Variants in TPST1 observed in about 807,000 individuals in gnomAD.
TPST1 encodes the protein protein-tyrosine sulfotransferase 1.
A neutral mutation model predicts 34.8 loss-of-function variants in TPST1; 20 were observed. The ratio of observed to expected loss-of-function variants is 0.57; its 90% CI spans 0.40 to 0.84. The LOEUF (loss-of-function observed/expected upper bound fraction) is 0.84. Among genes scored for constraint, TPST1 ranks in the 40% least tolerant of loss-of-function variants. The pLI, the probability that TPST1 is intolerant of heterozygous loss-of-function variation, is 0.00. For missense variants in TPST1, 353 were observed against 455.5 expected, an observed-to-expected ratio of 0.78 and a Z score of 2.05; for synonymous variants, 152 against 159.4, an observed-to-expected ratio of 0.95 and a Z score of 0.35.
chr7:66,285,058 T>TGAAG (rs1348756678), intron 2 of TPST1, among the ~76,000 whole-genome samples: 7 of 152,204 alleles, frequency 4.6e-5, no homozygotes, highest in Admixed American at 4.6e-4. Flanking sequence ...TATTCCTTAT[T>TGAAG]ATCTTCAAGG....
chr7:66,349,950 C>T (rs1792439147), intron 3 of TPST1, among the ~76,000 whole-genome samples: 1 of 152,172 alleles, frequency 6.6e-6, no homozygotes, highest in Non-Finnish European at 1.5e-5. Context: ...TACACAGCTC[C>T]CAGGGCTTAG....
chr7:66,241,957 C>CT (rs1790045395), intron 2 of TPST1, among the ~76,000 whole-genome samples: 1 of 152,186 alleles, frequency 6.6e-6, no homozygotes, highest in African/African-American at 2.4e-5. Context: ...TATAACCTCT[C>CT]TTATTTTTTA....
At position 66,299,980 on chromosome 7, in the gene TPST1, A is replaced by T. The variant is rs537204876; in HGVS notation, c.1044+13271A>T. The stretch of plus-strand genomic sequence containing the variant: ...GTTTCCCAGTACATATAAAAGTTAT[A>T]CACTACATTGTAGTCTGTTCAGTCT... On this transcript the variant is annotated intron_variant, in intron 3 of 5. Transcript: ENST00000304842. 6.6e-5 allele frequency among the ~76,000 whole-genome samples: 10 copies of T among 152,324 alleles called. No homozygotes were observed. In the South Asian group the frequency reaches 2.1e-3, roughly 32 times the overall value.
chr7:66,329,830 G>C (rs773449478), intron 3 of TPST1, among the ~76,000 whole-genome samples: 8 of 152,292 alleles, frequency 5.3e-5, no homozygotes, highest in Middle Eastern at 3.4e-3. Context: ...ATTATCCTAA[G>C]TGAATTAATG....
At chr7:66,257,580 A>G (rs1483540802) in intron 2 of TPST1, among the ~76,000 whole-genome samples, 3 of 151,998 alleles carry the variant, frequency 2.0e-5, no homozygotes, top group Non-Finnish European at 2.9e-5. Context: ...GTGTTATACT[A>G]TTTCTGGGTT....
At chr7:66,233,424 A>G (rs920973612) in intron 1 of TPST1, among the ~76,000 whole-genome samples, 2 of 152,230 alleles carry the variant, frequency 1.3e-5, no homozygotes, top group Non-Finnish European at 1.5e-5. Flanking sequence ...GCATGTGGAT[A>G]TCCAGTTGCC....
chr7:66,236,324 G>C (rs1789911786), intron 1 of TPST1, among the ~76,000 whole-genome samples: 1 of 152,036 alleles, frequency 6.6e-6, no homozygotes, highest in Non-Finnish European at 1.5e-5. Context: ...ATGTAAGCTT[G>C]CACTTAAATC....
chr7:66,204,371 A>G (rs1789077425), upstream of TPST1, among the ~76,000 whole-genome samples: 2 of 152,146 alleles, frequency 1.3e-5, no homozygotes, highest in South Asian at 4.1e-4. Flanking sequence ...GTCCGCCACC[A>G]TGCCCGGCTA....
chr7:66,251,845 G>T, intron 2 of TPST1, among the ~76,000 whole-genome samples: 1 of 149,878 alleles, frequency 6.7e-6, no homozygotes, highest in Non-Finnish European at 1.5e-5. Context: ...CCTGTGTTGT[G>T]GTATATAGCT....
chr7:66,286,849 T>C, intron 3 of TPST1, 140 bp downstream of exon 3: 3 of 466,506 alleles, frequency 6.4e-6, no homozygotes, highest in Non-Finnish European at 9.4e-6. Context: ...TTTTATTTTA[T>C]TTTATTTTAT....
At chr7:66,258,519 T>C (rs902394177) in intron 2 of TPST1, among the ~76,000 whole-genome samples, 1 of 152,216 alleles carries the variant, frequency 6.6e-6, no homozygotes, top group Admixed American at 6.5e-5. Context: ...CTCTTATGTG[T>C]GAGCTAGAAG....
intron 2 of TPST1, among the ~76,000 whole-genome samples, chr7:66,244,417 T>A (rs1413208021): frequency 6.6e-6 from 1 of 152,202 alleles, no homozygotes; most frequent in Non-Finnish European, 1.5e-5. Context: ...TTCACAGTTC[T>A]GCCTCTTATC....
At chr7:66,265,248 G>A (rs1231692577) in intron 2 of TPST1, among the ~76,000 whole-genome samples, 1 of 152,104 alleles carries the variant, frequency 6.6e-6, no homozygotes, top group Non-Finnish European at 1.5e-5. Context: ...TGGGGCAGAA[G>A]GATATTTGAA....
chr7:66,201,105 A>G (rs1353445627), upstream of TPST1, among the ~76,000 whole-genome samples: 1 of 152,226 alleles, frequency 6.6e-6, no homozygotes, highest in Non-Finnish European at 1.5e-5. Context: ...ATAGAAACGC[A>G]GAAAGAGTGT....
At chr7:66,237,178 A>C (rs1381424778) in intron 1 of TPST1, among the ~76,000 whole-genome samples, 1 of 152,070 alleles carries the variant, frequency 6.6e-6, no homozygotes, top group Non-Finnish European at 1.5e-5. Context: ...GCAGGTGGTC[A>C]TGTGCGTTCT....
intron 2 of TPST1, among the ~76,000 whole-genome samples, chr7:66,251,451 T>C (rs1323528229): frequency 1.3e-5 from 2 of 152,154 alleles, no homozygotes; most frequent in Non-Finnish European, 2.9e-5. Flanking sequence ...AAATAATGAG[T>C]GTGAAACACC....
At chr7:66,345,031 T>TA (rs1170235221) in intron 3 of TPST1, among the ~76,000 whole-genome samples, 14 of 151,166 alleles carry the variant, frequency 9.3e-5, no homozygotes, top group African/African-American at 3.4e-4. Flanking sequence ...GCCAATTTTT[T>TA]AAAAAATTAA....
At chr7:66,269,671 C>G (rs1295393077) in intron 2 of TPST1, among the ~76,000 whole-genome samples, 1 of 152,170 alleles carries the variant, frequency 6.6e-6, no homozygotes, top group East Asian at 1.9e-4. Flanking sequence ...CAGCAGTTAA[C>G]AGACAAAACA....
chr7:66,283,520 A>G (rs1203543730), intron 2 of TPST1, among the ~76,000 whole-genome samples: 23 of 152,232 alleles, frequency 1.5e-4, no homozygotes, highest in Admixed American at 1.4e-3. Flanking sequence ...CAATCTATAC[A>G]TGAATGAGTG....
Sources: allele counts gnomAD v4.1 joint callset (sites outside exome capture counted in the v4.1 genomes callset), GRCh38; gene constraint gnomAD v4.1.1; transcripts MANE v1.5; gene names NCBI Gene and HGNC (gene_info 2026-07-23, HGNC 2026-07-21).